The following CACNA2D3 variants were observed in gnomAD, a reference collection of about 807,000 sequenced individuals.
CACNA2D3 encodes calcium voltage-gated channel auxiliary subunit alpha2delta 3, also known as voltage-dependent calcium channel subunit alpha-2/delta-3.
CACNA2D3 carries 60 observed loss-of-function variants against 160.6 expected under a neutral mutation model. That is an observed-to-expected ratio of 0.37 (90% CI 0.30 to 0.46). The LOEUF is 0.46. CACNA2D3 is among the 20% of genes least tolerant of loss of function. The pLI, the probability that CACNA2D3 is intolerant of heterozygous loss-of-function variation, is 1.00. For synonymous variants in CACNA2D3, 558 were observed against 492.9 expected (o/e 1.13, Z -1.75); for missense variants, 1,205 against 1,365.0 (o/e 0.88, Z 1.85).
intron 2 of CACNA2D3, among the ~76,000 whole-genome samples, chr3:54,314,718 T>C (rs1703824475): frequency 6.6e-6 from 1 of 152,226 alleles, no homozygotes; most frequent in Non-Finnish European, 1.5e-5. Context: ...TTTGAGAATT[T>C]AGACAGCAAG....
intron 2 of CACNA2D3, among the ~76,000 whole-genome samples, chr3:54,153,417 T>G (rs1274914382): frequency 7.2e-5 from 11 of 152,220 alleles, no homozygotes; most frequent in Non-Finnish European, 1.2e-4. Context: ...GCCCCTGGAC[T>G]TGTGGGCTTG....
chr3:54,903,127 T>C (rs1700376432), intron 27 of CACNA2D3, among the ~76,000 whole-genome samples: 1 of 152,168 alleles, frequency 6.6e-6, no homozygotes, highest in Admixed American at 6.6e-5. Context: ...TTATGGGGGC[T>C]TGTTGTACAG....
At chr3:54,822,790 C>CTTTCTTTCTTTCCTTT (rs1491160047) in intron 14 of CACNA2D3, among the ~76,000 whole-genome samples, 26 of 71,926 alleles carry the variant, frequency 3.6e-4, no homozygotes, top group East Asian at 2.3e-3. Context: ...TTCTTTCTTT[C>CTTTCTTTCTTTCCTTT]CTTTCTTTCT....
chr3:55,060,393 T>C (rs1704477816), intron 35 of CACNA2D3, among the ~76,000 whole-genome samples: 1 of 152,102 alleles, frequency 6.6e-6, no homozygotes, highest in African/African-American at 2.4e-5. Context: ...TGGTGATTAG[T>C]TATATAGAGT....
chr3:54,475,809 T>TTGTG lies in CACNA2D3; in HGVS notation c.382-27658_382-27655dup, dbSNP rs3030044. 6.7e-3 allele frequency among the ~76,000 whole-genome samples: 952 copies of TTGTG among 142,818 alleles called. 15 individuals carry two copies. Among genetic ancestry groups the TTGTG allele is most frequent in the African/African-American group, 0.021 (821 of 38,284 alleles). 93.7% of individuals were successfully genotyped at this position (142,818 alleles called of 152,430 possible). ...ATCCATCTTCTCACATGGTTACCAT[T>TTGTG]TGTGTGTGTGTGTGTGTGTGTGTGT... is the stretch of plus-strand genomic sequence containing the variant. On this transcript the variant is annotated intron_variant, in intron 4 of 37. Transcript: ENST00000474759.
intron 4 of CACNA2D3, among the ~76,000 whole-genome samples, chr3:54,439,172 G>A (rs1559481352): frequency 6.6e-6 from 1 of 151,936 alleles, no homozygotes; most frequent in Non-Finnish European, 1.5e-5. Context: ...TCCCATCTTC[G>A]GGTTATCACA....
At chr3:54,848,175 A>T (rs761798124) in intron 17 of CACNA2D3, among the ~76,000 whole-genome samples, 5 of 152,220 alleles carry the variant, frequency 3.3e-5, no homozygotes. Flanking sequence ...CTGGCCCTGC[A>T]GCAAATGGTG....
intron 23 of CACNA2D3, among the ~76,000 whole-genome samples, chr3:54,886,275 G>C (rs572225566): frequency 1.3e-5 from 2 of 152,308 alleles, no homozygotes; most frequent in African/African-American, 4.8e-5. Flanking sequence ...CTAATCCTAT[G>C]AGAGGTGTAA....
chr3:54,754,167 ACTGG>A (rs1701926718), intron 12 of CACNA2D3, among the ~76,000 whole-genome samples: 2 of 152,218 alleles, frequency 1.3e-5, no homozygotes, highest in African/African-American at 4.8e-5. Context: ...TGGGGACAGC[ACTGG>A]GAAGGAAGTA....
At chr3:54,417,782 GTATC>G (rs1699777350) in intron 4 of CACNA2D3, among the ~76,000 whole-genome samples, 1 of 103,978 alleles carries the variant, frequency 9.6e-6, no homozygotes, top group African/African-American at 4.3e-5. Flanking sequence ...GTGTGTGTGT[GTATC>G]TGTGTGTGTG....
intron 2 of CACNA2D3, among the ~76,000 whole-genome samples, chr3:54,186,191 C>G (rs1325942764): frequency 6.6e-6 from 1 of 152,164 alleles, no homozygotes; most frequent in Non-Finnish European, 1.5e-5. Context: ...TCACTGTGAG[C>G]TTGGTGAATG....
At chr3:54,535,447 T>C (rs995744719) in intron 5 of CACNA2D3, among the ~76,000 whole-genome samples, 1 of 152,228 alleles carries the variant, frequency 6.6e-6, no homozygotes, top group African/African-American at 2.4e-5. Context: ...ACCATTTTAT[T>C]CTATAAAAGC....
At chr3:54,357,554 G>C (rs1698670843) in intron 3 of CACNA2D3, among the ~76,000 whole-genome samples, 1 of 152,188 alleles carries the variant, frequency 6.6e-6, no homozygotes, top group Non-Finnish European at 1.5e-5. Context: ...ATATGATCCA[G>C]CAATTGAGCT....
At chr3:54,469,977 G>T (rs180773855) in intron 4 of CACNA2D3, among the ~76,000 whole-genome samples, 20 of 152,246 alleles carry the variant, frequency 1.3e-4, no homozygotes, top group Non-Finnish European at 8.8e-5. Flanking sequence ...AAAGTGATGG[G>T]GAGAATGGAA....
chr3:54,727,416 C>G (rs995802445), intron 11 of CACNA2D3, among the ~76,000 whole-genome samples: 8 of 152,148 alleles, frequency 5.3e-5, no homozygotes, highest in African/African-American at 1.9e-4. Flanking sequence ...GGTATATACC[C>G]AAAAGATTAT....
intron 3 of CACNA2D3, among the ~76,000 whole-genome samples, chr3:54,374,011 AC>A (rs1347975311): frequency 1.3e-5 from 2 of 152,062 alleles, no homozygotes; most frequent in Admixed American, 6.5e-5. Flanking sequence ...CCTGTGGATC[AC>A]CCAGTCGTGT....
intron 13 of CACNA2D3, among the ~76,000 whole-genome samples, chr3:54,785,806 G>A (rs1702630054): frequency 6.6e-6 from 1 of 152,132 alleles, no homozygotes; most frequent in Non-Finnish European, 1.5e-5. Context: ...ATGTCACTGG[G>A]TTTGAGACAC....
At chr3:54,975,427 G>A (rs1468175302) in intron 29 of CACNA2D3, among the ~76,000 whole-genome samples, 1 of 149,890 alleles carries the variant, frequency 6.7e-6, no homozygotes, top group African/African-American at 2.5e-5. Flanking sequence ...GCTGAAGCAG[G>A]AGAATCACCT....
intron 11 of CACNA2D3, among the ~76,000 whole-genome samples, chr3:54,668,853 CT>C (rs1158189394): frequency 3.9e-5 from 6 of 152,338 alleles, no homozygotes; most frequent in African/African-American, 1.4e-4. Context: ...CAAATGTGGG[CT>C]TTTCCTGCTC....
Sources: gnomAD v4.1 joint callset for allele counts (sites outside exome capture counted in the v4.1 genomes callset) on GRCh38, gnomAD v4.1.1 for gene constraint, MANE v1.5 for transcripts, NCBI Gene and HGNC (gene_info 2026-07-23, HGNC 2026-07-21) for gene names.